Variants in EIF4G3 observed in about 807,000 individuals in gnomAD.
EIF4G3 encodes eukaryotic translation initiation factor 4 gamma 3, also known as eIF-4-gamma 3.
In EIF4G3, 34 loss-of-function variants were observed where a neutral mutation model predicts 186.4. The observed-to-expected ratio is 0.18, with a 90% CI of 0.14 to 0.24. The LOEUF is 0.24. Ranked by LOEUF, EIF4G3 falls within the 10% of genes least tolerant of loss-of-function variation. The pLI, the probability that EIF4G3 is intolerant of heterozygous loss-of-function variation, is 1.00. For synonymous variants in EIF4G3, 673 were observed against 679.5 expected, an observed-to-expected ratio of 0.99 and a Z score of 0.15; for missense variants, 1,536 against 1,948.5, an observed-to-expected ratio of 0.79 and a Z score of 3.99.
chr1:21,075,038 G>A lies in EIF4G3; in HGVS notation c.-196+14100C>T, dbSNP rs547241579. 2.1e-3 allele frequency among the ~76,000 whole-genome samples: 325 copies of A among 151,964 alleles called. 2 individuals are homozygous for A. Among genetic ancestry groups the A allele is most frequent in the Non-Finnish European group, 3.8e-3 (257 of 67,974 alleles). On this transcript the variant is annotated intron_variant, in intron 3 of 36. Transcript: ENST00000602326. ...CACAAAGAAGAAAGAAAAAAGAATC[G>A]AATCTTATCACTACAGAAAACCAAC... is the stretch of plus-strand genomic sequence containing the variant.
At chr1:20,992,077 C>T (rs965184233) in intron 7 of EIF4G3, among the ~76,000 whole-genome samples, 4 of 152,196 alleles carry the variant, frequency 2.6e-5, no homozygotes, top group African/African-American at 9.6e-5. Flanking sequence ...GTTTTACTGA[C>T]TCCCAACATA....
intron 14 of EIF4G3, among the ~76,000 whole-genome samples, chr1:20,938,197 G>C (rs2095582214): frequency 6.6e-6 from 1 of 152,092 alleles, no homozygotes; most frequent in Non-Finnish European, 1.5e-5. Flanking sequence ...GTTTCACCAT[G>C]TTGGCCAGGC....
chr1:20,828,935 G>A (rs979579457), intron 31 of EIF4G3, among the ~76,000 whole-genome samples: 1 of 152,100 alleles, frequency 6.6e-6, no homozygotes, highest in African/African-American at 2.4e-5. Flanking sequence ...ACCCTCAACA[G>A]ACCACAGGGC....
chr1:20,842,005 A>G (rs1190670049), intron 29 of EIF4G3, among the ~76,000 whole-genome samples: 1 of 151,968 alleles, frequency 6.6e-6, no homozygotes, highest in Non-Finnish European at 1.5e-5. Flanking sequence ...CCTTTATTTA[A>G]TACCTCCCTC....
intron 33 of EIF4G3, among the ~76,000 whole-genome samples, chr1:20,822,197 A>G (rs979457289): frequency 6.6e-6 from 1 of 152,106 alleles, no homozygotes; most frequent in Non-Finnish European, 1.5e-5. Context: ...TGACATAAAG[A>G]TTATTCATAA....
chr1:21,070,496 T>C (rs1218355849), intron 3 of EIF4G3, among the ~76,000 whole-genome samples: 1 of 152,202 alleles, frequency 6.6e-6, no homozygotes, highest in Non-Finnish European at 1.5e-5. Context: ...TAGAGATCTT[T>C]CCAAGTCAAT....
chr1:20,890,806 G>C (rs1387331224), intron 18 of EIF4G3, among the ~76,000 whole-genome samples: 2 of 152,150 alleles, frequency 1.3e-5, no homozygotes, highest in African/African-American at 4.8e-5. Flanking sequence ...ATTCCCATCT[G>C]TATCTACATC....
intron 13 of EIF4G3, among the ~76,000 whole-genome samples, chr1:20,942,842 ATTAC>A (rs1451009577): frequency 6.6e-6 from 1 of 152,196 alleles, no homozygotes; most frequent in African/African-American, 2.4e-5. Flanking sequence ...TTTAAAAAGT[ATTAC>A]TTGTATAAAA....
intron 2 of EIF4G3, among the ~76,000 whole-genome samples, chr1:21,171,483 G>A (rs748405783): frequency 4.6e-5 from 7 of 152,030 alleles, no homozygotes; most frequent in African/African-American, 9.7e-5. Flanking sequence ...CTGTCTCTGT[G>A]GCTGAATCTA....
chr1:20,820,852 C>A (rs1292003705), intron 33 of EIF4G3, among the ~76,000 whole-genome samples: 1 of 151,982 alleles, frequency 6.6e-6, no homozygotes. Flanking sequence ...CTTCAGAGAC[C>A]TGCAGAAATG....
chr1:20,981,924 C>A (rs1303519948), intron 8 of EIF4G3, among the ~76,000 whole-genome samples: 1 of 152,178 alleles, frequency 6.6e-6, no homozygotes, highest in Non-Finnish European at 1.5e-5. Context: ...ATTATCAAAT[C>A]ATTAAAAATT....
intron 3 of EIF4G3, chr1:21,064,685 A>G (rs2095135951): frequency 6.6e-6 from 1 of 152,222 alleles, no homozygotes; most frequent in African/African-American, 2.4e-5. Context: ...TGTCTATTCT[A>G]CTAAATCCAA....
At chr1:20,825,342 G>A (rs973237548) in intron 32 of EIF4G3, 144 bp from the exon 33 acceptor site, 2 of 622,026 alleles carry the variant, frequency 3.2e-6, no homozygotes, top group Admixed American at 3.1e-5. Flanking sequence ...AGGGCATGGT[G>A]GTGCACACCT....
chr1:20,950,212 A>T (rs899299910), intron 12 of EIF4G3, 101 bp from the exon 13 acceptor site: 3 of 714,398 alleles, frequency 4.2e-6, no homozygotes, highest in Non-Finnish European at 6.4e-6. Context: ...AGCACAGGAG[A>T]TCACAAAATT....
At chr1:20,829,951 C>A (rs953981901) in intron 30 of EIF4G3, among the ~76,000 whole-genome samples, 1 of 152,126 alleles carries the variant, frequency 6.6e-6, no homozygotes, top group Non-Finnish European at 1.5e-5. Flanking sequence ...AATACCAGCA[C>A]TCTTATGTAG....
chr1:21,036,660 G>C (rs928947022), intron 4 of EIF4G3, among the ~76,000 whole-genome samples: 2 of 152,076 alleles, frequency 1.3e-5, no homozygotes, highest in Admixed American at 6.5e-5. Flanking sequence ...CAGGTGGATT[G>C]CTTGAGCTCA....
At chr1:21,122,304 T>C (rs1376238079) in intron 2 of EIF4G3, among the ~76,000 whole-genome samples, 2 of 124,930 alleles carry the variant, frequency 1.6e-5, no homozygotes, top group Non-Finnish European at 3.6e-5. Flanking sequence ...AAAACTCCTT[T>C]ATACGAAAAG....
Position 20,899,604 on chromosome 1 carries a change from TTCCA to T in EIF4G3, c.1999+89_1999+92del. On this transcript the variant is annotated intron_variant, in intron 16 of 36. Coordinates refer to ENST00000602326, the MANE Select transcript of EIF4G3 (RefSeq NM_001391906.1). Reference sequence around the variant, plus strand: ...TATTATATTGTGATAAACCTCTTTCTTCCATCCAGTATCTCTCTAAAAAGAGGCA... The same window carrying T: ...TATTATATTGTGATAAACCTCTTTCTTCCAGTATCTCTCTAAAAAGAGGCA... 3 of 1,453,726 alleles carry T rather than the reference TTCCA, an allele frequency of 2.1e-6. No individual in the cohort carries two copies. In the South Asian group the frequency reaches 3.9e-5, roughly 19 times the overall value. 90.1% of individuals were successfully genotyped at this position (1,453,726 alleles called of 1,614,324 possible). A position where few individuals can be genotyped will look rare whatever the true frequency, so the allele number is the denominator to read the frequency against.
intron 15 of EIF4G3, among the ~76,000 whole-genome samples, chr1:20,900,778 A>G (rs1042912099): frequency 6.6e-6 from 1 of 152,168 alleles, no homozygotes; most frequent in African/African-American, 2.4e-5. Context: ...GAGGTGTTCT[A>G]ATTGATAAAT....
Sources: gnomAD v4.1 joint callset for allele counts (sites outside exome capture counted in the v4.1 genomes callset) on GRCh38, gnomAD v4.1.1 for gene constraint, MANE v1.5 for transcripts, NCBI Gene and HGNC (gene_info 2026-07-23, HGNC 2026-07-21) for gene names.